The following DLGAP2 variants were observed in gnomAD, a reference collection of about 807,000 sequenced individuals.
DLGAP2 encodes the protein DLG associated protein 2, also known as disks large-associated protein 2.
In DLGAP2, 26 loss-of-function variants were observed where a neutral mutation model predicts 100.3. The observed-to-expected ratio is 0.26, with a 90% CI of 0.19 to 0.36. The LOEUF (loss-of-function observed/expected upper bound fraction) is 0.36, where lower values mean the gene tolerates loss of function less well. DLGAP2 is among the 10% of genes least tolerant of loss of function. The probability of loss-of-function intolerance (pLI) is 1.00; values close to 1 mark genes in which losing one functional copy is unlikely to be tolerated. For missense variants in DLGAP2, 1,858 were observed against 1,453.2 expected (o/e 1.28, Z -4.53); for synonymous variants, 886 against 630.1 (o/e 1.41, Z -6.08).
In DLGAP2 at chr8:947,662, C is replaced by T. The variant is rs529958061; in HGVS notation, c.73+39696C>T. 2.0e-4 allele frequency among the ~76,000 whole-genome samples: 31 copies of T among 152,304 alleles called. No homozygotes were observed. The South Asian group carries it at 3.5e-3, about 17-fold the overall frequency. On this transcript the variant is annotated intron_variant, in intron 2 of 14. Transcript: ENST00000637795. ...ACGCGCGGCGCTGTCTGCTCTTGGC[C>T]GGGCCATCCTGTCCTGGCCCTCCCT... is the stretch of plus-strand genomic sequence containing the variant.
chr8:1,550,349 C>T (rs533659949), intron 5 of DLGAP2, among the ~76,000 whole-genome samples: 3 of 152,314 alleles, frequency 2.0e-5, no homozygotes, highest in South Asian at 2.1e-4. Flanking sequence ...AGCTCTCATG[C>T]GTGAGTCTGG....
At chr8:1,120,235 C>T (rs1229948125) in intron 2 of DLGAP2, among the ~76,000 whole-genome samples, 1 of 152,090 alleles carries the variant, frequency 6.6e-6, no homozygotes, top group Non-Finnish European at 1.5e-5. Context: ...TTCTGTGGCT[C>T]ACACCCAGAC....
rs564671740 is a variant in DLGAP2 at position 1,341,809 on chromosome 8, C to T, written c.106+82926C>T. On this transcript the variant is annotated intron_variant, in intron 3 of 14. Coordinates refer to ENST00000637795, the MANE Select transcript of DLGAP2 (RefSeq NM_001346810.2). ...GCTGTCCGCAGGGTCCCTCCATCTGCAGGCCCTGGCACATTGCCTACAGAA... is the reference window on the plus strand; with the variant it reads ...GCTGTCCGCAGGGTCCCTCCATCTGTAGGCCCTGGCACATTGCCTACAGAA... Among the ~76,000 whole-genome samples, 13 of 152,350 alleles carry T rather than the reference C, an allele frequency of 8.5e-5. No individual in the cohort carries two copies. The East Asian group carries it at 1.7e-3, about 20-fold the overall frequency.
chr8:1,518,984 G>A (rs762201481), intron 4 of DLGAP2, among the ~76,000 whole-genome samples: 1 of 152,138 alleles, frequency 6.6e-6, no homozygotes, highest in African/African-American at 2.4e-5. Flanking sequence ...AGGCCCTCCC[G>A]ACCGTGTGTC....
At chr8:1,676,078 C>T (rs996120154) in intron 10 of DLGAP2, among the ~76,000 whole-genome samples, 1 of 152,170 alleles carries the variant, frequency 6.6e-6, no homozygotes, top group African/African-American at 2.4e-5. Flanking sequence ...CTGATCAGTG[C>T]TGAAATTCCT....
chr8:1,003,409 G>A (rs1485020145), intron 2 of DLGAP2: 1 of 152,242 alleles, frequency 6.6e-6, no homozygotes, highest in Admixed American at 6.5e-5. Flanking sequence ...CCTGCCACAT[G>A]TGTCTTTGTC....
At chr8:1,107,669 C>T (rs1448133151) in intron 2 of DLGAP2, among the ~76,000 whole-genome samples, 3 of 152,216 alleles carry the variant, frequency 2.0e-5, no homozygotes, top group Non-Finnish European at 2.9e-5. Flanking sequence ...TTTATTTCCC[C>T]TGCTCTTCCC....
chr8:1,310,404 G>T (rs1800587198), intron 3 of DLGAP2, among the ~76,000 whole-genome samples: 1 of 152,176 alleles, frequency 6.6e-6, no homozygotes, highest in Admixed American at 6.5e-5. Flanking sequence ...GAGAAAGTAA[G>T]GGGTAGCTCT....
chr8:896,241 G>A (rs1211859900), intron 1 of DLGAP2, among the ~76,000 whole-genome samples: 3 of 150,772 alleles, frequency 2.0e-5, no homozygotes, highest in Non-Finnish European at 4.4e-5. Flanking sequence ...TAGGTGTGGG[G>A]CAGTGGTGAG....
rs778324093 is a variant in DLGAP2 at position 888,871 on chromosome 8, C to A, written c.19-19041C>A. Among the ~76,000 whole-genome samples, 7 of 152,172 alleles carry A rather than the reference C, an allele frequency of 4.6e-5. No homozygotes were observed. In the East Asian group the frequency reaches 5.8e-4, roughly 13 times the overall value. On this transcript the variant is annotated intron_variant, in intron 1 of 14. Transcript: ENST00000637795. ...TCACCGAGTTGGGTTGCACGAGGAG[C>A]AGGTTTCATGCTTGTCCGTGTGAAG...
intron 1 of DLGAP2, among the ~76,000 whole-genome samples, chr8:881,424 C>G (rs555980977): frequency 2.0e-5 from 3 of 150,904 alleles, no homozygotes; most frequent in Admixed American, 2.0e-4. Context: ...AATGAGAAAA[C>G]TTGAATGCAC....
At chr8:1,596,357 G>A (rs1039895148) in intron 6 of DLGAP2, among the ~76,000 whole-genome samples, 1 of 152,152 alleles carries the variant, frequency 6.6e-6, no homozygotes, top group African/African-American at 2.4e-5. Context: ...CTTTATAGTA[G>A]AATGATTTGT....
At chr8:955,144 G>C (rs1799568038) in intron 2 of DLGAP2, among the ~76,000 whole-genome samples, 1 of 151,936 alleles carries the variant, frequency 6.6e-6, no homozygotes, top group Admixed American at 6.6e-5. Context: ...GTCATCACCT[G>C]GCAGGTCTTC....
intron 3 of DLGAP2, among the ~76,000 whole-genome samples, chr8:1,321,320 G>A (rs978040637): frequency 3.3e-5 from 5 of 151,666 alleles, no homozygotes; most frequent in Non-Finnish European, 7.4e-5. Context: ...CTCTGCGTGT[G>A]CGTGTGTGTC....
chr8:891,850 G>C (rs543671875), intron 1 of DLGAP2, among the ~76,000 whole-genome samples: 46 of 152,290 alleles, frequency 3.0e-4, no homozygotes, highest in African/African-American at 8.7e-4. Flanking sequence ...CAGCCGAGGA[G>C]GGGGAGGACC....
At chr8:1,041,366 G>A (rs73670417) in intron 2 of DLGAP2, among the ~76,000 whole-genome samples, 2,873 of 152,280 alleles carry the variant, frequency 0.019, 106 homozygotes, top group African/African-American at 0.065. Context: ...CTACATGGCC[G>A]AGGCATCCGT....
chr8:1,062,364 G>A (rs572708679), intron 2 of DLGAP2, among the ~76,000 whole-genome samples: 10 of 152,350 alleles, frequency 6.6e-5, no homozygotes, highest in South Asian at 6.2e-4. Flanking sequence ...ACACTCGGTC[G>A]TCTTGGCCTG....
intron 10 of DLGAP2, 33 bp downstream of exon 10, chr8:1,669,817 C>T (rs558016471): frequency 6.4e-6 from 5 of 780,904 alleles, no homozygotes; most frequent in East Asian, 2.4e-5. Flanking sequence ...AAGCCGCGTC[C>T]GCATGACTTT....
At chr8:1,387,787 C>T (rs1036108655) in intron 3 of DLGAP2, among the ~76,000 whole-genome samples, 9 of 152,152 alleles carry the variant, frequency 5.9e-5, no homozygotes, top group African/African-American at 2.2e-4. Context: ...TGGAGGGCCT[C>T]ACCTGTGCCA....
Sources: allele counts gnomAD v4.1 joint callset (sites outside exome capture counted in the v4.1 genomes callset), GRCh38; gene constraint gnomAD v4.1.1; transcripts MANE v1.5; gene names NCBI Gene and HGNC (gene_info 2026-07-23, HGNC 2026-07-21).